Variants in ANK1 observed in about 807,000 individuals in gnomAD.
ANK1 encodes ankyrin-1.
Under a neutral mutation model 210.4 loss-of-function variants are expected in ANK1, and 51 were observed. That is an observed-to-expected ratio of 0.24 (90% CI 0.19 to 0.31). The LOEUF (loss-of-function observed/expected upper bound fraction) is 0.31, where lower values mean the gene tolerates loss of function less well. Ranked by LOEUF, ANK1 falls within the 10% of genes least tolerant of loss-of-function variation. ANK1 has a pLI of 1.00. For missense variants in ANK1, 2,051 were observed against 2,504.4 expected (o/e 0.82, Z 3.86); for synonymous variants, 967 against 1,025.9 (o/e 0.94, Z 1.10).
At chr8:41,735,906 C>G (rs1833293873) in intron 2 of ANK1, among the ~76,000 whole-genome samples, 1 of 152,076 alleles carries the variant, frequency 6.6e-6, no homozygotes, top group Non-Finnish European at 1.5e-5. Flanking sequence ...TAGGTCAGGG[C>G]AGCCCTGCAC....
intron 26 of ANK1, 21 bp downstream of exon 26, chr8:41,696,342 G>C: frequency 1.9e-6 from 3 of 1,611,868 alleles, no homozygotes; most frequent in Non-Finnish European, 2.5e-6. Flanking sequence ...GGGAGAACAC[G>C]GGCTGCCCGC....
At chr8:41,825,093 G>T (rs910317595) in intron 1 of ANK1, among the ~76,000 whole-genome samples, 8 of 152,220 alleles carry the variant, frequency 5.3e-5, no homozygotes, top group African/African-American at 1.9e-4. Context: ...GAAGTCCTTG[G>T]GGCTGAGCCC....
chr8:41,769,984 T>C (rs542799830), intron 1 of ANK1, among the ~76,000 whole-genome samples: 11 of 142,804 alleles, frequency 7.7e-5, no homozygotes, highest in Non-Finnish European at 1.4e-4. Context: ...TTTCTTTTTT[T>C]TTTTTTTTTT....
At chr8:41,752,206 C>T (rs535975330) in intron 2 of ANK1, among the ~76,000 whole-genome samples, 1 of 152,162 alleles carries the variant, frequency 6.6e-6, no homozygotes, top group Non-Finnish European at 1.5e-5. Context: ...ATGTGCCCAT[C>T]CTCTTAGCTA....
intron 1 of ANK1, among the ~76,000 whole-genome samples, chr8:41,761,387 A>ACG (rs1840417123): frequency 6.7e-6 from 1 of 149,118 alleles, no homozygotes; most frequent in African/African-American, 2.5e-5. Flanking sequence ...ACACACACAC[A>ACG]CATGTTCACA....
intron 4 of ANK1, 81 bp from the exon 5 acceptor site, chr8:41,727,429 G>C: frequency 3.0e-6 from 3 of 984,516 alleles, no homozygotes; most frequent in Middle Eastern, 2.0e-4. Context: ...CTCTCACCTG[G>C]AGGACAGCGC....
chr8:41,681,231 C>T (rs999834697), intron 37 of ANK1, among the ~76,000 whole-genome samples: 1 of 152,208 alleles, frequency 6.6e-6, no homozygotes, highest in African/African-American at 2.4e-5. Flanking sequence ...TCCAAGTAGA[C>T]ATTAGTTTGT....
intron 1 of ANK1, among the ~76,000 whole-genome samples, chr8:41,867,758 G>T (rs192702985): frequency 2.6e-4 from 39 of 152,326 alleles, no homozygotes; most frequent in Admixed American, 1.4e-3. Flanking sequence ...TGAAATGACA[G>T]TGTTCCTCAT....
At chr8:41,750,524 T>A (rs1586689136) in intron 2 of ANK1, among the ~76,000 whole-genome samples, 1 of 152,210 alleles carries the variant, frequency 6.6e-6, no homozygotes, top group East Asian at 1.9e-4. Flanking sequence ...ATAAAATATA[T>A]AAGCTTTCAC....
At chr8:41,884,767 G>T (rs1818169781) in intron 1 of ANK1, among the ~76,000 whole-genome samples, 2 of 152,150 alleles carry the variant, frequency 1.3e-5, no homozygotes, top group Admixed American at 6.6e-5. Context: ...AGGAGTTCAA[G>T]GCTGCAATAA....
chr8:41,831,689 G>GA (rs143940114), intron 1 of ANK1, among the ~76,000 whole-genome samples: 1,558 of 149,722 alleles, frequency 0.01, 32 homozygotes, highest in African/African-American at 0.037. Context: ...TGAAAGGAAA[G>GA]AAAAGGAAGG....
At chr8:41,762,541 G>A (rs145441919) in intron 1 of ANK1, among the ~76,000 whole-genome samples, 1,659 of 152,250 alleles carry the variant, frequency 0.011, 37 homozygotes, top group African/African-American at 0.038. Context: ...TTGACCTAAA[G>A]CACATGGCAT....
intron 1 of ANK1, among the ~76,000 whole-genome samples, chr8:41,777,303 A>G (rs117826678): frequency 0.024 from 3,615 of 152,246 alleles, 68 homozygotes; most frequent in Non-Finnish European, 0.038. Flanking sequence ...GGCTGGGTGC[A>G]GTGGCTCACA....
At position 41,866,315 on chromosome 8, in the gene ANK1, G is replaced by A. The variant is rs142476261; in HGVS notation, c.126+30040C>T. ...AGCGATTCTCCTATCTCGACTTCCCGGGTAGCTGAGACCACAGGTGTACAC... is the reference window on the plus strand; with the variant it reads ...AGCGATTCTCCTATCTCGACTTCCCAGGTAGCTGAGACCACAGGTGTACAC... On this transcript the variant is annotated intron_variant, in intron 1 of 42. Coordinates refer to the ANK1 transcript ENST00000265709. Among the ~76,000 whole-genome samples, 29 of 152,208 alleles carry A rather than the reference G, an allele frequency of 1.9e-4. No individual in the cohort carries two copies. In the East Asian group the frequency reaches 5.0e-3, roughly 26 times the overall value.
chr8:41,703,422 G>GTATATATATATATA (rs57077078), intron 20 of ANK1, among the ~76,000 whole-genome samples: 1,127 of 53,156 alleles, frequency 0.021, 93 homozygotes, highest in Middle Eastern at 0.039. Context: ...GTGTGTGTGT[G>GTATATATATATATA]TATATATATA....
intron 10 of ANK1, 53 bp downstream of exon 10, chr8:41,719,608 G>T (rs1389185267): frequency 1.6e-5 from 26 of 1,608,556 alleles, no homozygotes; most frequent in Non-Finnish European, 2.2e-5. Flanking sequence ...CTCTGCTCCT[G>T]CCCCCAGCCT....
upstream of ANK1, among the ~76,000 whole-genome samples, chr8:41,802,601 A>G (rs1850057641): frequency 6.6e-6 from 1 of 152,164 alleles, no homozygotes; most frequent in Admixed American, 6.5e-5. Context: ...ATTGTCCGCA[A>G]TAAGTCTTAG....
chr8:41,668,371 C>T lies in ANK1; in HGVS notation c.5290G>A (p.Glu1764Lys). The change falls in exon 39 of 43, where the codon GAA (glutamate) becomes AAA (lysine). Residue 1764 changes from glutamate to lysine, a missense_variant. Physicochemically the swap from Glu to Lys is moderately conservative, Grantham distance 56 (BLOSUM62 1). Transcript: ENST00000289734. ...TGGGAGCTCTCAGCCTCGGGCTGTT[C>T]TGTCCACGTGTGCTCACTTACAGAC... ...LVSVSEHTWT[E>K]QPEAESSQAD... The T allele has an allele frequency of 6.2e-7, 1 of 1,614,234 alleles. No homozygotes were observed. The highest frequency in any genetic ancestry group is 1.1e-5 in the South Asian group (1 of 91,084).
chr8:41,716,871 G>C (rs1042378757), intron 13 of ANK1, 82 bp downstream of exon 13: 7 of 1,404,482 alleles, frequency 5.0e-6, no homozygotes, highest in Non-Finnish European at 6.1e-6. Flanking sequence ...CTGCAGCCCC[G>C]CCTGGAATGA....
Sources: gnomAD v4.1 joint callset for allele counts (sites outside exome capture counted in the v4.1 genomes callset) on GRCh38, gnomAD v4.1.1 for gene constraint, MANE v1.5 for transcripts, NCBI Gene and HGNC (gene_info 2026-07-23, HGNC 2026-07-21) for gene names.